SEMA3E: variants seen among roughly 807,000 people sequenced by gnomAD.
SEMA3E encodes semaphorin 3E.
In SEMA3E, 49 loss-of-function variants were observed where a neutral mutation model predicts 93.6. The ratio of observed to expected loss-of-function variants is 0.52; its 90% CI spans 0.42 to 0.66. SEMA3E has a LOEUF of 0.66. Among genes scored for constraint, SEMA3E ranks in the 30% least tolerant of loss-of-function variants. SEMA3E has a pLI of 0.00. For synonymous variants in SEMA3E, 363 were observed against 330.7 expected (o/e 1.10, Z -1.06); for missense variants, 906 against 964.8 (o/e 0.94, Z 0.81).
At chr7:83,371,426 CA>C (rs1205701550) in intron 16 of SEMA3E, 1 of 152,106 alleles carries the variant, frequency 6.6e-6, no homozygotes, top group Non-Finnish European at 1.5e-5. Flanking sequence ...TCTCATCTTA[CA>C]ACCATAGAGA....
At chr7:83,626,329 T>C (rs1283067929) in intron 1 of SEMA3E, among the ~76,000 whole-genome samples, 2 of 152,188 alleles carry the variant, frequency 1.3e-5, no homozygotes, top group African/African-American at 2.4e-5. Context: ...TGAATCCATC[T>C]GGTCCTGGGC....
chr7:83,577,751 G>C (rs768487121), intron 1 of SEMA3E, among the ~76,000 whole-genome samples: 6 of 152,078 alleles, frequency 3.9e-5, no homozygotes, highest in South Asian at 2.1e-4. Flanking sequence ...CTCTAGGAGA[G>C]AGAATGTAAA....
chr7:83,378,247 C>A (rs1295858523), intron 16 of SEMA3E, among the ~76,000 whole-genome samples: 1 of 151,862 alleles, frequency 6.6e-6, no homozygotes, highest in Non-Finnish European at 1.5e-5. Context: ...ATAAATGAAT[C>A]ATTTTATTTT....
chr7:83,630,086 C>T (rs1793756658), intron 1 of SEMA3E, among the ~76,000 whole-genome samples: 1 of 152,170 alleles, frequency 6.6e-6, no homozygotes, highest in Non-Finnish European at 1.5e-5. Context: ...ACACCCCACC[C>T]TGCTTCGGCT....
rs902063187 is a variant in SEMA3E, at chr7:83,525,275, A to AT, written c.116-35002dup. On this transcript the variant is annotated intron_variant, in intron 1 of 16. Coordinates refer to ENST00000643230, the MANE Select transcript of SEMA3E (RefSeq NM_012431.3). ...TTACGTAACCTGTTTTTTCATTTTAATTTTTTTTCCCTGGAACCTCACAGA... is the reference window on the plus strand; with the variant it reads ...TTACGTAACCTGTTTTTTCATTTTAATTTTTTTTTCCCTGGAACCTCACAGA... 7.2e-5 allele frequency among the ~76,000 whole-genome samples: 11 copies of AT among 151,796 alleles called. No homozygotes were observed. In the East Asian group the frequency reaches 1.8e-3, roughly 24 times the overall value.
chr7:83,434,901 G>A (rs10447884), intron 4 of SEMA3E, among the ~76,000 whole-genome samples: 8,634 of 151,088 alleles, frequency 0.057, 453 homozygotes, highest in African/African-American at 0.13. Context: ...TTTTAGTAGA[G>A]ACGGGGTTTC....
intron 1 of SEMA3E, among the ~76,000 whole-genome samples, chr7:83,547,664 T>G (rs564333298): frequency 6.6e-5 from 10 of 152,250 alleles, no homozygotes; most frequent in Admixed American, 3.9e-4. Context: ...GATTTATGTT[T>G]AACCTTAGGA....
chr7:83,390,272 T>TGCGC (rs1562758752), intron 14 of SEMA3E, among the ~76,000 whole-genome samples: 29 of 145,040 alleles, frequency 2.0e-4, no homozygotes, highest in African/African-American at 6.6e-4. Flanking sequence ...CGCGTATATA[T>TGCGC]GTGTATATTA....
chr7:83,630,467 T>C lies in SEMA3E; in HGVS notation c.115+17961A>G, dbSNP rs1402949805. ...TACTAGAAAGCATCTGAAGGCAATA[T>C]ACTGATAGCAAATGGAAAAACATCC... On this transcript the variant is annotated intron_variant, in intron 1 of 16. Transcript: ENST00000643230. Among the ~76,000 whole-genome samples the C allele has an allele frequency of 2.0e-5, 3 of 152,134 alleles. No individual in the cohort carries two copies. In the East Asian group the frequency reaches 5.8e-4, roughly 29 times the overall value.
In SEMA3E at chr7:83,612,132, T is replaced by C. The variant is rs1793279234; in HGVS notation, c.115+36296A>G. ...TATCACCTTATCAGAGACTCCTTGA[T>C]CATCCTATGTAAAAAAGAATCCCTG... On this transcript the variant is annotated intron_variant, in intron 1 of 16. Coordinates refer to ENST00000643230, the MANE Select transcript of SEMA3E (RefSeq NM_012431.3). Among the ~76,000 whole-genome samples the C allele has an allele frequency of 7.9e-5, 12 of 152,258 alleles. No homozygotes were observed. The South Asian group carries it at 2.5e-3, about 32-fold the overall frequency.
At chr7:83,611,970 C>A (rs1469009826) in intron 1 of SEMA3E, among the ~76,000 whole-genome samples, 1 of 152,092 alleles carries the variant, frequency 6.6e-6, no homozygotes, top group Non-Finnish European at 1.5e-5. Flanking sequence ...TTTCATCTCC[C>A]ACTGTCCTCC....
At chr7:83,565,910 G>A (rs1792138861) in intron 1 of SEMA3E, among the ~76,000 whole-genome samples, 2 of 150,602 alleles carry the variant, frequency 1.3e-5, no homozygotes, top group Admixed American at 6.6e-5. Flanking sequence ...TAATAGAATT[G>A]TAAATCTTAC....
At chr7:83,403,961 G>C (rs910597358) in intron 9 of SEMA3E, among the ~76,000 whole-genome samples, 4 of 151,794 alleles carry the variant, frequency 2.6e-5, no homozygotes, top group African/African-American at 4.8e-5. Flanking sequence ...AATGTCTTAT[G>C]CTTGATTTCT....
chr7:83,431,711 A>T lies in SEMA3E; in HGVS notation c.457-13228T>A, dbSNP rs368197731. ...GAGTATGAGTCATTGTACCCAGCCC[A>T]AGCAAGTGGTATTAATGGGTAATTT... On this transcript the variant is annotated intron_variant, in intron 4 of 16. Transcript: ENST00000643230. Among the ~76,000 whole-genome samples, 16 of 152,262 alleles carry T rather than the reference A, an allele frequency of 1.1e-4. No individual in the cohort carries two copies. In the East Asian group the frequency reaches 2.1e-3, roughly 20 times the overall value.
At chr7:83,428,201 T>A (rs1347910275) in intron 4 of SEMA3E, among the ~76,000 whole-genome samples, 1 of 152,224 alleles carries the variant, frequency 6.6e-6, no homozygotes, top group Admixed American at 6.5e-5. Flanking sequence ...GCACAGCAGG[T>A]GCCACATGTG....
At position 83,509,020 on chromosome 7, in the gene SEMA3E, T is replaced by A. The variant is rs372809541; in HGVS notation, c.116-18746A>T. 7.2e-5 allele frequency among the ~76,000 whole-genome samples: 11 copies of A among 152,294 alleles called. 1 individual carries two copies. Among genetic ancestry groups the A allele is most frequent in the African/African-American group, 7.2e-5 (3 of 41,582 alleles). On this transcript the variant is annotated intron_variant, in intron 1 of 16. Coordinates refer to ENST00000643230, the MANE Select transcript of SEMA3E (RefSeq NM_012431.3). ...CCTGGTGTAATTTGAAGGGGGAACATGTAAAGGGCCCCTTGAGCCCAATTA... is the reference window on the plus strand; with the variant it reads ...CCTGGTGTAATTTGAAGGGGGAACAAGTAAAGGGCCCCTTGAGCCCAATTA...
intron 1 of SEMA3E, among the ~76,000 whole-genome samples, chr7:83,599,807 G>C (rs1792945240): frequency 6.6e-6 from 1 of 152,082 alleles, no homozygotes; most frequent in South Asian, 2.1e-4. Context: ...TGTTGATGAT[G>C]GTGTCCGTGT....
intron 1 of SEMA3E, among the ~76,000 whole-genome samples, chr7:83,588,951 A>C (rs1391704851): frequency 1.3e-5 from 2 of 152,096 alleles, no homozygotes; most frequent in Non-Finnish European, 2.9e-5. Context: ...CTCTGTGGTG[A>C]CATCTTTTGA....
intron 1 of SEMA3E, among the ~76,000 whole-genome samples, chr7:83,599,457 A>G (rs1290603351): frequency 2.6e-5 from 4 of 152,190 alleles, no homozygotes; most frequent in African/African-American, 7.2e-5. Context: ...CTCAAATTCA[A>G]GGAACCCGCT....
Sources: allele counts gnomAD v4.1 joint callset (sites outside exome capture counted in the v4.1 genomes callset), GRCh38; gene constraint gnomAD v4.1.1; transcripts MANE v1.5; gene names NCBI Gene and HGNC (gene_info 2026-07-23, HGNC 2026-07-21).